The following PPFIA2 variants were observed in gnomAD, a reference collection of about 807,000 sequenced individuals.
The protein encoded by PPFIA2 is liprin-alpha-2.
Under a neutral mutation model 175.5 loss-of-function variants are expected in PPFIA2, and 46 were observed. The ratio of observed to expected loss-of-function variants is 0.26; its 90% confidence interval spans 0.21 to 0.34. PPFIA2 has a LOEUF of 0.34. Among genes scored for constraint, PPFIA2 ranks in the 10% least tolerant of loss-of-function variants. The pLI, the probability that PPFIA2 is intolerant of heterozygous loss-of-function variation, is 1.00. For missense variants in PPFIA2, 1,179 were observed against 1,506.1 expected, an observed-to-expected ratio of 0.78 and a Z score of 3.60; for synonymous variants, 568 against 511.4, an observed-to-expected ratio of 1.11 and a Z score of -1.49.
At chr12:81,462,254 CATAT>C (rs71871906) in intron 4 of PPFIA2, among the ~76,000 whole-genome samples, 23,726 of 132,678 alleles carry the variant, frequency 0.18, 2,325 homozygotes, top group African/African-American at 0.26. Flanking sequence ...GCTTTTCTAA[CATAT>C]ATATATATAT....
intron 3 of PPFIA2, among the ~76,000 whole-genome samples, chr12:81,720,784 T>C (rs1460444143): frequency 6.6e-6 from 1 of 151,444 alleles, no homozygotes; most frequent in Admixed American, 6.6e-5. Flanking sequence ...GTTTCCTTTT[T>C]GTGACTGAGC....
At chr12:81,488,922 G>A (rs2059135985) in intron 4 of PPFIA2, among the ~76,000 whole-genome samples, 1 of 151,784 alleles carries the variant, frequency 6.6e-6, no homozygotes, top group South Asian at 2.1e-4. Flanking sequence ...GCTACCTAAT[G>A]GAATATATGT....
chr12:81,417,789 C>T (rs2045570338), intron 7 of PPFIA2, among the ~76,000 whole-genome samples: 1 of 151,688 alleles, frequency 6.6e-6, no homozygotes, highest in African/African-American at 2.4e-5. Context: ...GGTCTTTACA[C>T]CCTTACTATT....
At chr12:81,401,548 G>A (rs965430742) in intron 8 of PPFIA2, among the ~76,000 whole-genome samples, 2 of 152,068 alleles carry the variant, frequency 1.3e-5, no homozygotes, top group Admixed American at 1.3e-4. Context: ...TATTTATCAT[G>A]TTTTATGATA....
At chr12:81,535,542 C>T (rs1046044725) in intron 4 of PPFIA2, 2 of 445,544 alleles carry the variant, frequency 4.5e-6, no homozygotes, top group Admixed American at 2.4e-5. Context: ...CTCAATAACA[C>T]AAAAATACAT....
chr12:81,625,049 C>T (rs2062530818), intron 4 of PPFIA2, among the ~76,000 whole-genome samples: 2 of 151,672 alleles, frequency 1.3e-5, no homozygotes, highest in South Asian at 4.2e-4. Context: ...TCACTACGAT[C>T]CCTAAATAAA....
chr12:81,674,904 G>A (rs537325891), intron 4 of PPFIA2, among the ~76,000 whole-genome samples: 8 of 152,036 alleles, frequency 5.3e-5, no homozygotes, highest in African/African-American at 1.7e-4. Context: ...GCTCCCGGCA[G>A]TATGTTCTAG....
At chr12:81,278,138 A>G (rs566524153) in intron 27 of PPFIA2, among the ~76,000 whole-genome samples, 1 of 152,234 alleles carries the variant, frequency 6.6e-6, no homozygotes, top group Admixed American at 6.5e-5. Context: ...ACAATTATAC[A>G]TGGAGAAAAG....
chr12:81,271,640 T>C (rs2039144213), intron 28 of PPFIA2, among the ~76,000 whole-genome samples: 1 of 152,208 alleles, frequency 6.6e-6, no homozygotes, highest in Non-Finnish European at 1.5e-5. Flanking sequence ...ATAATATGTG[T>C]TCTTATTAGA....
chr12:81,408,606 T>TA (rs1232121482), intron 7 of PPFIA2, among the ~76,000 whole-genome samples: 1 of 152,088 alleles, frequency 6.6e-6, no homozygotes, highest in Non-Finnish European at 1.5e-5. Flanking sequence ...ATGTCCCTAT[T>TA]AAAAAATAAT....
chr12:81,333,956 T>C (rs1759551893), intron 21 of PPFIA2, among the ~76,000 whole-genome samples: 1 of 152,158 alleles, frequency 6.6e-6, no homozygotes, highest in Non-Finnish European at 1.5e-5. Context: ...CACCTAACTG[T>C]TCCAGCACTC....
intron 4 of PPFIA2, among the ~76,000 whole-genome samples, chr12:81,559,268 G>A (rs2069467892): frequency 6.6e-6 from 1 of 152,180 alleles, no homozygotes; most frequent in South Asian, 2.1e-4. Context: ...ATGTGGGTGT[G>A]GTAGAAACAG....
chr12:81,535,175 T>G (rs577243088), intron 4 of PPFIA2, among the ~76,000 whole-genome samples: 1 of 151,848 alleles, frequency 6.6e-6, no homozygotes, highest in East Asian at 1.9e-4. Context: ...TGAGTAGACA[T>G]GAGAGCAGCC....
At chr12:81,312,399 T>C (rs1016828846) in intron 22 of PPFIA2, 10 of 537,094 alleles carry the variant, frequency 1.9e-5, no homozygotes, top group Middle Eastern at 4.9e-4. Context: ...GACCAATAAG[T>C]CTATGTCTTG....
intron 3 of PPFIA2, among the ~76,000 whole-genome samples, chr12:81,684,466 C>G (rs1039370158): frequency 2.0e-5 from 3 of 152,012 alleles, no homozygotes; most frequent in Non-Finnish European, 4.4e-5. Context: ...AGTGGAGACT[C>G]AATAACTACT....
intron 27 of PPFIA2, among the ~76,000 whole-genome samples, chr12:81,280,804 C>T (rs1456360204): frequency 6.6e-6 from 1 of 151,890 alleles, no homozygotes; most frequent in African/African-American, 2.4e-5. Flanking sequence ...AATAAAAAAA[C>T]ACAAATATGT....
chr12:81,507,266 A>G (rs1009205226), intron 4 of PPFIA2, among the ~76,000 whole-genome samples: 1 of 152,162 alleles, frequency 6.6e-6, no homozygotes, highest in Non-Finnish European at 1.5e-5. Flanking sequence ...TATTATATCT[A>G]AATGGAAACT....
At chr12:81,599,318 T>C (rs2153453904) in intron 4 of PPFIA2, among the ~76,000 whole-genome samples, 1 of 152,088 alleles carries the variant, frequency 6.6e-6, no homozygotes, top group Non-Finnish European at 1.5e-5. Flanking sequence ...ACCTAAATTA[T>C]TATTCATTAG....
At chr12:81,363,568 T>C (rs1169505572) in intron 14 of PPFIA2, among the ~76,000 whole-genome samples, 4 of 151,758 alleles carry the variant, frequency 2.6e-5, no homozygotes, top group Non-Finnish European at 5.9e-5. Flanking sequence ...TTCTAGATTT[T>C]TCTATTACTG....
Sources: gnomAD v4.1 joint callset for allele counts (sites outside exome capture counted in the v4.1 genomes callset) on GRCh38, gnomAD v4.1.1 for gene constraint, MANE v1.5 for transcripts, NCBI Gene and HGNC (gene_info 2026-07-23, HGNC 2026-07-21) for gene names.